SLCO1B3: variants seen among roughly 807,000 people sequenced by gnomAD.
The protein encoded by SLCO1B3 is liver-specific organic anion transporter 2.
In SLCO1B3, 72 loss-of-function variants were observed where a neutral mutation model predicts 71.8. That is an observed-to-expected ratio of 1.00 (90% CI 0.83 to 1.22). The LOEUF is 1.22. Among genes scored for constraint, SLCO1B3 ranks in the 50% most tolerant of loss-of-function variants. The probability of loss-of-function intolerance (pLI) is 0.00; values close to 1 mark genes in which losing one functional copy is unlikely to be tolerated. For missense variants in SLCO1B3, 911 were observed against 819.7 expected (o/e 1.11, Z -1.36); for synonymous variants, 298 against 278.4 (o/e 1.07, Z -0.70).
intron 13 of SLCO1B3, among the ~76,000 whole-genome samples, chr12:20,895,804 G>C (rs559086996): frequency 3.5e-4 from 54 of 152,316 alleles, no homozygotes; most frequent in African/African-American, 1.2e-3. Context: ...CGTTCATACT[G>C]CCCTAGCAGA....
At chr12:20,839,142 A>C (rs1398780738) in intron 3 of SLCO1B3, among the ~76,000 whole-genome samples, 1 of 151,908 alleles carries the variant, frequency 6.6e-6, no homozygotes, top group Non-Finnish European at 1.5e-5. Flanking sequence ...TTTTAGTGTA[A>C]GCATACATAA....
intron 13 of SLCO1B3, among the ~76,000 whole-genome samples, chr12:20,889,915 A>ATTTT (rs36117594): frequency 6.9e-6 from 1 of 145,094 alleles, no homozygotes; most frequent in African/African-American, 2.5e-5. Flanking sequence ...CATTTTCTTA[A>ATTTT]TTTTTTTTTT....
At chr12:20,869,811 CTG>C (rs1211596664) in intron 8 of SLCO1B3, among the ~76,000 whole-genome samples, 1 of 152,148 alleles carries the variant, frequency 6.6e-6, no homozygotes, top group Non-Finnish European at 1.5e-5. Context: ...GGAAATATCT[CTG>C]TGAGATCCTA....
At chr12:20,874,883 G>A (rs925673577) in intron 8 of SLCO1B3, among the ~76,000 whole-genome samples, 2 of 152,132 alleles carry the variant, frequency 1.3e-5, no homozygotes, top group African/African-American at 4.8e-5. Flanking sequence ...TCAGACAACA[G>A]TGAGGATTCA....
At chr12:20,859,824 G>A (rs1865217838) in intron 5 of SLCO1B3, among the ~76,000 whole-genome samples, 2 of 151,962 alleles carry the variant, frequency 1.3e-5, no homozygotes, top group African/African-American at 2.4e-5. Flanking sequence ...TATTTCTACA[G>A]ACTTGAATAC....
At chr12:20,872,025 G>A (rs1027027423) in intron 8 of SLCO1B3, among the ~76,000 whole-genome samples, 3 of 151,936 alleles carry the variant, frequency 2.0e-5, no homozygotes, top group African/African-American at 7.2e-5. Context: ...GCCAAGGATT[G>A]GAGCAAAAAA....
In SLCO1B3 at chr12:20,810,711, TA is replaced by T. The variant is rs1035703648; in HGVS notation, c.-232del. ...CAACTAACCATTTAAAGTGAGACTT[TA>T]ACATCAGAAAAAGGATGGACTTGTT... On this transcript the variant is annotated 5_prime_UTR_variant, in exon 1 of 16. Coordinates refer to ENST00000381545, the MANE Select transcript of SLCO1B3 (RefSeq NM_019844.4). The T allele has an allele frequency of 6.6e-6, 1 of 152,222 alleles. No individual in the cohort carries two copies. Among genetic ancestry groups the T allele is most frequent in the Admixed American group, 6.5e-5 (1 of 15,290 alleles). 9.4% of individuals were successfully genotyped at this position (152,222 alleles called of 1,614,324 possible). A position where few individuals can be genotyped will look rare whatever the true frequency, so the allele number is the denominator to read the frequency against.
chr12:20,823,728 G>C (rs1404779676), intron 3 of SLCO1B3, among the ~76,000 whole-genome samples: 2 of 152,190 alleles, frequency 1.3e-5, no homozygotes, highest in African/African-American at 4.8e-5. Flanking sequence ...GGATTTATCT[G>C]TGCCTGCAGA....
At chr12:20,823,143 A>G (rs184619187) in intron 3 of SLCO1B3, among the ~76,000 whole-genome samples, 1 of 152,292 alleles carries the variant, frequency 6.6e-6, no homozygotes, top group Non-Finnish European at 1.5e-5. Flanking sequence ...GATATAGGCC[A>G]TATCACTCTG....
At chr12:20,851,951 A>C (rs936688602) in intron 3 of SLCO1B3, among the ~76,000 whole-genome samples, 42 of 152,190 alleles carry the variant, frequency 2.8e-4, no homozygotes, top group African/African-American at 9.7e-4. Flanking sequence ...ACCCTTGTTG[A>C]AAATCACTTG....
rs150970863 is a variant in SLCO1B3 at position 20,867,549 on chromosome 12, C to T, written c.727+4695C>T. Among the ~76,000 whole-genome samples, 11 of 152,182 alleles carry T rather than the reference C, an allele frequency of 7.2e-5. No individual in the cohort carries two copies. The East Asian group carries it at 2.1e-3, about 29-fold the overall frequency. On this transcript the variant is annotated intron_variant, in intron 8 of 15. Transcript: ENST00000381545. Reference sequence around the variant, plus strand: ...GACAACTTGATGGAGATAAGTGCTTCTGAACTAATGTCAGATGATGAGGAA... The same window carrying T: ...GACAACTTGATGGAGATAAGTGCTTTTGAACTAATGTCAGATGATGAGGAA...
intron 1 of SLCO1B3, among the ~76,000 whole-genome samples, chr12:20,811,270 G>A (rs914735761): frequency 2.0e-5 from 3 of 152,094 alleles, no homozygotes; most frequent in Admixed American, 1.3e-4. Flanking sequence ...AGGGTGAGGG[G>A]AAAGAGATTT....
intron 3 of SLCO1B3, among the ~76,000 whole-genome samples, chr12:20,842,783 C>A (rs1001572191): frequency 5.3e-5 from 8 of 152,144 alleles, no homozygotes; most frequent in Non-Finnish European, 1.5e-5. Flanking sequence ...TCTCTTACAA[C>A]AAGGCAAATA....
chr12:20,883,689 A>T, intron 13 of SLCO1B3, 87 bp downstream of exon 13: 1 of 869,942 alleles, frequency 1.1e-6, no homozygotes, highest in East Asian at 3.0e-5. Flanking sequence ...TTTGAGCTCA[A>T]ATTCATATTT....
At chr12:20,821,549 G>T (rs1209838158) in intron 3 of SLCO1B3, among the ~76,000 whole-genome samples, 1 of 147,182 alleles carries the variant, frequency 6.8e-6, no homozygotes, top group African/African-American at 2.6e-5. Flanking sequence ...GCAGAGAAAG[G>T]GTTGGGGCAC....
chr12:20,868,771 C>A (rs1187841223), intron 8 of SLCO1B3, among the ~76,000 whole-genome samples: 3 of 152,022 alleles, frequency 2.0e-5, no homozygotes, highest in African/African-American at 7.2e-5. Context: ...GGATACAAAG[C>A]AAAAGGGGCA....
At chr12:20,869,662 A>T (rs964437353) in intron 8 of SLCO1B3, among the ~76,000 whole-genome samples, 1 of 152,134 alleles carries the variant, frequency 6.6e-6, no homozygotes, top group Non-Finnish European at 1.5e-5. Context: ...ATATTGCAGG[A>T]TGTCCTTTCT....
chr12:20,912,638 C>T lies in SLCO1B3; in HGVS notation c.1866-3366C>T, dbSNP rs559106356. Among the ~76,000 whole-genome samples the T allele has an allele frequency of 8.0e-4, 121 of 151,834 alleles. 1 individual carries two copies. Among genetic ancestry groups the T allele is most frequent in the Non-Finnish European group, 6.0e-4 (41 of 67,970 alleles). On this transcript the variant is annotated intron_variant, in intron 15 of 15. Transcript: ENST00000381545. ...TCCCAGGTTCAAGTGATTCTCCTAC[C>T]TCAGCCTCCTGAATAGCTGGGATTA...
chr12:20,832,879 AC>A (rs1215101840), intron 3 of SLCO1B3, among the ~76,000 whole-genome samples: 2 of 152,096 alleles, frequency 1.3e-5, no homozygotes, highest in Non-Finnish European at 2.9e-5. Flanking sequence ...TGACACTAAG[AC>A]CCCAAAACGC....
Sources: allele counts gnomAD v4.1 joint callset (sites outside exome capture counted in the v4.1 genomes callset), GRCh38; gene constraint gnomAD v4.1.1; transcripts MANE v1.5; gene names NCBI Gene and HGNC (gene_info 2026-07-23, HGNC 2026-07-21).